SLC38A9: variants seen among roughly 807,000 people sequenced by gnomAD.
The protein encoded by SLC38A9 is neutral amino acid transporter 9.
Under a neutral mutation model 62.3 loss-of-function variants are expected in SLC38A9, and 48 were observed. The observed-to-expected ratio is 0.77, with a 90% CI of 0.61 to 0.98. The LOEUF (loss-of-function observed/expected upper bound fraction) is 0.98. SLC38A9 is among the 50% of genes least tolerant of loss of function. The probability of loss-of-function intolerance (pLI) is 0.00; values close to 1 mark genes in which losing one functional copy is unlikely to be tolerated. For missense variants in SLC38A9, 541 were observed against 679.8 expected, an observed-to-expected ratio of 0.80 and a Z score of 2.27; for synonymous variants, 204 against 227.7, an observed-to-expected ratio of 0.90 and a Z score of 0.94.
chr5:55,704,875 C>T (rs555462685), intron 2 of SLC38A9, among the ~76,000 whole-genome samples: 1 of 152,284 alleles, frequency 6.6e-6, no homozygotes, highest in South Asian at 2.1e-4. Flanking sequence ...TACTTAAATT[C>T]CCTAAGATTC....
intron 3 of SLC38A9, among the ~76,000 whole-genome samples, chr5:55,693,811 AAC>A (rs1246299257): frequency 6.6e-6 from 1 of 152,118 alleles, no homozygotes; most frequent in Non-Finnish European, 1.5e-5. Flanking sequence ...CTGTAATCCC[AAC>A]ACTTTGGGAG....
chr5:55,687,711 T>C (rs1451583154), intron 3 of SLC38A9, among the ~76,000 whole-genome samples: 1 of 152,090 alleles, frequency 6.6e-6, no homozygotes, highest in African/African-American at 2.4e-5. Flanking sequence ...TATGTATTTA[T>C]TTATTTTGAG....
intron 2 of SLC38A9, among the ~76,000 whole-genome samples, chr5:55,703,202 T>TA (rs11312120): frequency 1.5e-4 from 23 of 151,218 alleles, no homozygotes; most frequent in South Asian, 6.3e-4. Flanking sequence ...TCAATAAAGT[T>TA]AAAAAAAAAA....
intron 2 of SLC38A9, among the ~76,000 whole-genome samples, chr5:55,698,764 A>G (rs1026688979): frequency 3.9e-5 from 6 of 152,146 alleles, no homozygotes; most frequent in Non-Finnish European, 7.4e-5. Flanking sequence ...CCTCATCTCC[A>G]CTAAAAAACA....
chr5:55,701,455 C>T (rs3846508), intron 2 of SLC38A9, among the ~76,000 whole-genome samples: 91,242 of 152,068 alleles, frequency 0.6, 27,943 homozygotes, highest in South Asian at 0.7. Context: ...TCTCACAGTC[C>T]ACATTCAACC....
At chr5:55,677,514 G>A (rs1462632073) in intron 3 of SLC38A9, among the ~76,000 whole-genome samples, 1 of 152,032 alleles carries the variant, frequency 6.6e-6, no homozygotes, top group Non-Finnish European at 1.5e-5. Context: ...ACTCTGTACA[G>A]AAGCTACTGA....
chr5:55,650,272 G>A (rs999794304), intron 10 of SLC38A9, among the ~76,000 whole-genome samples: 1 of 152,138 alleles, frequency 6.6e-6, no homozygotes, highest in African/African-American at 2.4e-5. Context: ...GAAGGTAGAA[G>A]ATTATTCCTT....
intron 3 of SLC38A9, among the ~76,000 whole-genome samples, chr5:55,675,657 G>A (rs1478786818): frequency 6.6e-6 from 1 of 151,886 alleles, no homozygotes; most frequent in Non-Finnish European, 1.5e-5. Context: ...AAATAAATAA[G>A]TCATATTTGT....
rs369884612 is a variant in SLC38A9 at position 55,672,667 on chromosome 5, C to T, written c.142G>A (p.Val48Met). ...RPFCIEPTNI[V>M]NVNHVIQRVS... ...CTCTGAATGACATGATTCACATTCA[C>T]GATGTTTGTGGGCTCTATACAGAAA... Residue 48 changes from valine (V) to methionine (M), a missense_variant, in exon 4 of 16, where the codon GTG becomes ATG. By Grantham distance (21) the Val-to-Met change is conservative. Transcript: ENST00000396865. The T allele has an allele frequency of 1.9e-5, 31 of 1,613,836 alleles. No individual in the cohort carries two copies. The highest frequency in any genetic ancestry group is 1.6e-4 in the African/African-American group (12 of 74,892).
intron 3 of SLC38A9, among the ~76,000 whole-genome samples, chr5:55,686,434 T>C (rs1453174911): frequency 4.0e-5 from 6 of 150,292 alleles, no homozygotes; most frequent in African/African-American, 1.2e-4. Context: ...CAGAAGTGTC[T>C]GCCTATTCAT....
Position 55,657,490 on chromosome 5 carries a change from GT to G in SLC38A9, c.698-717del, listed in dbSNP as rs34646167. On this transcript the variant is annotated intron_variant, in intron 8 of 15. Transcript: ENST00000396865. Reference sequence around the variant, plus strand: ...AGCTGATCTTACCTGGAAAATCAAAGTTTTTTTTTTTTTTACAAAGTACAAT... The same window carrying G: ...AGCTGATCTTACCTGGAAAATCAAAGTTTTTTTTTTTTTACAAAGTACAAT... Among the ~76,000 whole-genome samples, 634 of 147,438 alleles carry G rather than the reference GT, an allele frequency of 4.3e-3. 2 individuals carry two copies. Among genetic ancestry groups the G allele is most frequent in the African/African-American group, 0.015 (594 of 40,008 alleles).
intron 8 of SLC38A9, among the ~76,000 whole-genome samples, chr5:55,660,149 G>A (rs1005985019): frequency 6.1e-5 from 9 of 148,076 alleles, no homozygotes; most frequent in Non-Finnish European, 1.0e-4. Flanking sequence ...GGTGGGTCAC[G>A]CCTGTAATCC....
chr5:55,711,358 T>C (rs546512824), intron 2 of SLC38A9, 94 bp downstream of exon 2: 4 of 152,038 alleles, frequency 2.6e-5, no homozygotes, highest in African/African-American at 7.2e-5. Flanking sequence ...TTACAACTTA[T>C]AGTGTGCTCA....
At chr5:55,709,393 T>A (rs1343091772) in intron 2 of SLC38A9, among the ~76,000 whole-genome samples, 2 of 151,902 alleles carry the variant, frequency 1.3e-5, no homozygotes, top group African/African-American at 4.8e-5. Flanking sequence ...TTTTTTTTTT[T>A]AACTTTTAAG....
chr5:55,689,645 A>G (rs1754452231), intron 3 of SLC38A9, among the ~76,000 whole-genome samples: 1 of 152,182 alleles, frequency 6.6e-6, no homozygotes, highest in Admixed American at 6.5e-5. Context: ...ATTTCCTCCA[A>G]AAAACCCACA....
intron 10 of SLC38A9, 51 bp downstream of exon 10, chr5:55,652,478 C>T (rs1747693924): frequency 1.7e-6 from 2 of 1,183,988 alleles, no homozygotes; most frequent in Admixed American, 2.5e-5. Context: ...CCCTAGACTC[C>T]ACCACGTATT....
chr5:55,658,064 C>A (rs1294770924), intron 8 of SLC38A9: 1 of 152,240 alleles, frequency 6.6e-6, no homozygotes, highest in Non-Finnish European at 1.5e-5. Context: ...CAGAATGTGA[C>A]CTTATTTAAA....
intron 12 of SLC38A9, among the ~76,000 whole-genome samples, chr5:55,644,271 T>C (rs114241166): frequency 6.6e-6 from 1 of 152,220 alleles, no homozygotes; most frequent in African/African-American, 2.4e-5. Context: ...TCTTTTAATC[T>C]TTTAACTGCA....
At chr5:55,652,486 A>T in intron 10 of SLC38A9, 43 bp downstream of exon 10, 1 of 1,289,664 alleles carries the variant, frequency 7.8e-7, no homozygotes, top group Non-Finnish European at 1.1e-6. Context: ...TCCACCACGT[A>T]TTCTATTACA....
Sources: allele counts gnomAD v4.1 joint callset (sites outside exome capture counted in the v4.1 genomes callset), GRCh38; gene constraint gnomAD v4.1.1; transcripts MANE v1.5; gene names NCBI Gene and HGNC (gene_info 2026-07-23, HGNC 2026-07-21).